Variants in COBLL1 observed in about 807,000 individuals in gnomAD.
COBLL1 encodes the protein cordon-bleu WH2 repeat protein like 1.
COBLL1 carries 50 observed loss-of-function variants against 94.8 expected under a neutral mutation model. The observed-to-expected ratio is 0.53, with a 90% CI of 0.42 to 0.67. The LOEUF (loss-of-function observed/expected upper bound fraction) is 0.67, where lower values mean the gene tolerates loss of function less well. COBLL1 is among the 30% of genes least tolerant of loss of function. COBLL1 has a pLI of 0.00. For missense variants in COBLL1, 1,362 were observed against 1,348.7 expected (o/e 1.01, Z -0.15); for synonymous variants, 448 against 473.8 (o/e 0.95, Z 0.71).
intron 2 of COBLL1, among the ~76,000 whole-genome samples, chr2:164,789,577 G>A (rs1683075401): frequency 6.6e-6 from 1 of 152,108 alleles, no homozygotes; most frequent in Non-Finnish European, 1.5e-5. Flanking sequence ...TAGAGGGGGA[G>A]CTCAGAGGGT....
rs74459242 is a variant in COBLL1 at position 164,722,092 on chromosome 2, C to G, written c.979G>C (p.Val327Leu). The G allele has an allele frequency of 8.1e-6, 13 of 1,604,212 alleles. No individual in the cohort carries two copies. Among genetic ancestry groups the G allele is most frequent in the East Asian group, 2.2e-5 (1 of 44,702 alleles). Reference sequence around the variant, plus strand: ...CTACACACCTTATCTGTCTCATCCACGCTCATGGATTTCACTATACAAGAA... The same window carrying G: ...CTACACACCTTATCTGTCTCATCCAGGCTCATGGATTTCACTATACAAGAA... ...PASCIVKSMSVDETDKSPCEA... is the reference protein window; with the variant it reads ...PASCIVKSMSLDETDKSPCEA... The change falls in exon 7 of 14, where the codon GTG (valine) becomes CTG (leucine). Residue 327 changes from valine (V) to leucine (L), a missense_variant. Coordinates refer to ENST00000652658, the MANE Select transcript of COBLL1 (RefSeq NM_001365672.2).
At chr2:164,696,284 T>G (rs1255810972) in intron 11 of COBLL1, 3 of 152,698 alleles carry the variant, frequency 2.0e-5, no homozygotes, top group African/African-American at 7.2e-5. Flanking sequence ...ATTTTTCCTC[T>G]ATTTTGACTG....
intron 2 of COBLL1, among the ~76,000 whole-genome samples, chr2:164,833,613 G>C (rs902756927): frequency 1.3e-5 from 2 of 151,936 alleles, no homozygotes; most frequent in African/African-American, 2.4e-5. Flanking sequence ...ACCACGCCCG[G>C]CTAATTTTTT....
chr2:164,818,267 C>CGTAT (rs1177680028), intron 2 of COBLL1, among the ~76,000 whole-genome samples: 70 of 102,386 alleles, frequency 6.8e-4, no homozygotes, highest in African/African-American at 2.4e-3. Flanking sequence ...CACATATACA[C>CGTAT]GTATGTATGT....
Position 164,730,074 on chromosome 2 carries a change from T to C in COBLL1, c.272A>G (p.Tyr91Cys). 1.9e-6 allele frequency: 3 copies of C among 1,614,044 alleles called. No individual in the cohort carries two copies. Among genetic ancestry groups the C allele is most frequent in the Middle Eastern group, 1.6e-4 (1 of 6,062 alleles). The part of the protein sequence containing the change: ...MDLLIFLCAQ[Y>C]HLNPSSYTID... ...TGTGTAACTTGATGGATTTAAGTGA[T>C]ACTGTGCACAAAGGAATATCAACAA... Residue 91 changes from tyrosine (Y) to cysteine (C), a missense_variant, in exon 4 of 14, where the codon TAT becomes TGT. Coordinates refer to ENST00000652658, the MANE Select transcript of COBLL1 (RefSeq NM_001365672.2).
At chr2:164,797,163 T>C (rs1403562615) in intron 2 of COBLL1, among the ~76,000 whole-genome samples, 1 of 152,176 alleles carries the variant, frequency 6.6e-6, no homozygotes, top group Non-Finnish European at 1.5e-5. Flanking sequence ...AAGTTACAGG[T>C]AGAATGCGAA....
rs935747579 is a variant in COBLL1 at position 164,714,067 on chromosome 2, A to G, written c.996+8008T>C. On this transcript the variant is annotated intron_variant, in intron 7 of 13. Coordinates refer to ENST00000652658, the MANE Select transcript of COBLL1 (RefSeq NM_001365672.2). ...TGACAACGGCAAAGAAGAAGATAAT[A>G]GACCTATTAGTAGAATTCAGGAGTC... 9.5e-4 allele frequency among the ~76,000 whole-genome samples: 144 copies of G among 152,180 alleles called. 1 individual carries two copies. The highest frequency in any genetic ancestry group is 9.4e-3 in the Admixed American group (143 of 15,264).
rs1683165107 is a variant in COBLL1, at chr2:164,683,982, T to C, written c.*1964A>G. On this transcript the variant is annotated 3_prime_UTR_variant, in exon 14 of 14. Transcript: ENST00000652658. ...ATTTAAGGTAACATGGTAAGGAATC[T>C]TTAATTTTACTAGATATTGCAGAAC... The C allele has an allele frequency of 6.6e-6, 1 of 152,166 alleles. No homozygotes were observed. Among genetic ancestry groups the C allele is most frequent in the Non-Finnish European group, 1.5e-5 (1 of 68,016 alleles). The allele number at this position is 152,166 out of a possible 1,614,324, so 9.4% of individuals were successfully genotyped here.
At chr2:164,714,126 C>T (rs994309526) in intron 7 of COBLL1, among the ~76,000 whole-genome samples, 1 of 149,798 alleles carries the variant, frequency 6.7e-6, no homozygotes, top group Admixed American at 6.6e-5. Context: ...TTCTTCTTTC[C>T]AGCCCTTGTC....
chr2:164,743,756 A>G lies in COBLL1; in HGVS notation c.161T>C (p.Ile54Thr), dbSNP rs1296436466. ...CACTGAGAGTTCAACGTCTTTATCTATCATGTTTTCTTTCTGTTCCATGAT... is the reference window on the plus strand; with the variant it reads ...CACTGAGAGTTCAACGTCTTTATCTGTCATGTTTTCTTTCTGTTCCATGAT... ...AFIMEQKENM[I>T]DKDVELSVVL... The change falls in exon 3 of 14, where the codon ATA becomes ACA. Residue 54 changes from isoleucine to threonine, a missense_variant. Physicochemically the swap from Ile to Thr is moderately conservative, Grantham distance 89 (BLOSUM62 -1). Coordinates refer to ENST00000652658, the MANE Select transcript of COBLL1 (RefSeq NM_001365672.2). The G allele has an allele frequency of 2.5e-6, 4 of 1,613,500 alleles. No homozygotes were observed. The highest frequency in any genetic ancestry group is 4.5e-5 in the East Asian group (2 of 44,836).
intron 2 of COBLL1, among the ~76,000 whole-genome samples, chr2:164,828,859 C>T (rs1413513827): frequency 1.3e-5 from 2 of 152,038 alleles, no homozygotes; most frequent in Non-Finnish European, 2.9e-5. Context: ...TAATGTGGCT[C>T]CTAAAATATT....
At chr2:164,700,501 T>C in intron 10 of COBLL1, 21 bp downstream of exon 10, 6 of 1,490,168 alleles carry the variant, frequency 4.0e-6, no homozygotes, top group Non-Finnish European at 5.6e-6. Context: ...CCACCAACAC[T>C]CCAGCACAGA....
At chr2:164,707,389 C>T (rs1429421125) in intron 7 of COBLL1, among the ~76,000 whole-genome samples, 2 of 152,118 alleles carry the variant, frequency 1.3e-5, no homozygotes, top group Admixed American at 6.5e-5. Flanking sequence ...GATCTGCCTG[C>T]CTTGGCCTCC....
At chr2:164,732,470 A>G (rs961351593) in intron 3 of COBLL1, among the ~76,000 whole-genome samples, 1 of 152,224 alleles carries the variant, frequency 6.6e-6, no homozygotes, top group African/African-American at 2.4e-5. Flanking sequence ...AGACTTGGAA[A>G]TAGTACTTTC....
At chr2:164,771,876 A>C (rs1222628440) in intron 2 of COBLL1, 1 of 152,032 alleles carries the variant, frequency 6.6e-6, no homozygotes, top group Non-Finnish European at 1.5e-5. Flanking sequence ...TCAAACATGA[A>C]AATGGAATAT....
At chr2:164,701,987 T>C (rs1025491467) in intron 9 of COBLL1, among the ~76,000 whole-genome samples, 5 of 152,066 alleles carry the variant, frequency 3.3e-5, no homozygotes, top group Admixed American at 2.0e-4. Flanking sequence ...CATAATTCAA[T>C]ATTTAAAGTA....
intron 2 of COBLL1, among the ~76,000 whole-genome samples, chr2:164,768,055 G>A (rs544238870): frequency 6.6e-6 from 1 of 152,262 alleles, no homozygotes; most frequent in African/African-American, 2.4e-5. Context: ...TGAAGTTTAA[G>A]AACTTCTACA....
intron 2 of COBLL1, among the ~76,000 whole-genome samples, chr2:164,833,989 G>C (rs1306341362): frequency 6.6e-6 from 1 of 152,054 alleles, no homozygotes; most frequent in Non-Finnish European, 1.5e-5. Flanking sequence ...AACTGAAGAC[G>C]TTTGGCCTTT....
chr2:164,841,943 G>T (rs1423905698), upstream of COBLL1: 47 of 1,530,762 alleles, frequency 3.1e-5, no homozygotes, highest in Non-Finnish European at 3.9e-5. The surrounding 1 kb of genome is among the most constrained non-coding windows in gnomAD (Gnocchi z 5.5). Context: ...GCTGGAGCCC[G>T]CTCTCTCACT....
Sources: allele counts gnomAD v4.1 joint callset (sites outside exome capture counted in the v4.1 genomes callset), GRCh38; gene constraint gnomAD v4.1.1; non-coding constraint Gnocchi (gnomAD v3.1); transcripts MANE v1.5; gene names NCBI Gene and HGNC (gene_info 2026-07-23, HGNC 2026-07-21).